Variants in FER observed in about 807,000 individuals in gnomAD.
FER encodes tyrosine-protein kinase Fer.
A neutral mutation model predicts 111.0 loss-of-function variants in FER; 63 were observed. That is an observed-to-expected ratio of 0.57 (90% CI 0.46 to 0.70). The LOEUF (loss-of-function observed/expected upper bound fraction) is 0.70. FER is among the 30% of genes least tolerant of loss of function. The pLI is 0.00. For synonymous variants in FER, 327 were observed against 313.9 expected (o/e 1.04, Z -0.44); for missense variants, 914 against 954.0 (o/e 0.96, Z 0.55).
At chr5:109,124,646 C>T (rs1751444876) in intron 17 of FER, among the ~76,000 whole-genome samples, 1 of 152,030 alleles carries the variant, frequency 6.6e-6, no homozygotes, top group Admixed American at 6.6e-5. Context: ...TGATTGACAG[C>T]AGCCTTAAAT....
chr5:109,179,404 G>C (rs1313078311), intron 17 of FER, among the ~76,000 whole-genome samples: 1 of 151,720 alleles, frequency 6.6e-6, no homozygotes, highest in Admixed American at 6.6e-5. Context: ...TTTTACCAAT[G>C]GGTTTGAATA....
intron 1 of FER, among the ~76,000 whole-genome samples, chr5:108,754,011 GTCTC>G (rs958539804): frequency 5.9e-5 from 9 of 152,090 alleles, no homozygotes; most frequent in African/African-American, 2.2e-4. Flanking sequence ...CTCTAATTCA[GTCTC>G]TCTCCTATTC....
intron 17 of FER, among the ~76,000 whole-genome samples, chr5:109,120,454 CT>C (rs1392536751): frequency 6.6e-6 from 1 of 151,926 alleles, no homozygotes; most frequent in Non-Finnish European, 1.5e-5. Flanking sequence ...TAACAATGGT[CT>C]TTGTGTCTAT....
In FER at chr5:109,182,527, T is replaced by A. The variant is rs1196101955; in HGVS notation, c.2203+1626T>A. ...GATGATCACAGGATAAAAGATAGAT[T>A]ATAATACTCAATATTTACACAAAGG... On this transcript the variant is annotated intron_variant, in intron 18 of 19. Coordinates refer to ENST00000281092, the MANE Select transcript of FER (RefSeq NM_005246.4). Among the ~76,000 whole-genome samples, 4 of 152,148 alleles carry A rather than the reference T, an allele frequency of 2.6e-5. No individual in the cohort carries two copies. The East Asian group carries it at 7.7e-4, about 29-fold the overall frequency.
intron 10 of FER, among the ~76,000 whole-genome samples, chr5:108,926,870 A>G (rs1463216878): frequency 1.3e-5 from 2 of 151,868 alleles, no homozygotes; most frequent in Non-Finnish European, 1.5e-5. Context: ...TTTTTTTTTC[A>G]GTGAATTCTT....
At chr5:108,867,434 G>C (rs933798682) in intron 5 of FER, among the ~76,000 whole-genome samples, 4 of 151,934 alleles carry the variant, frequency 2.6e-5, no homozygotes, top group African/African-American at 7.2e-5. Context: ...TGGTTTCTTG[G>C]TTTTACAGTT....
intron 1 of FER, among the ~76,000 whole-genome samples, chr5:108,749,191 C>T (rs1032551787): frequency 6.6e-6 from 1 of 152,126 alleles, no homozygotes; most frequent in Non-Finnish European, 1.5e-5. Context: ...CCCCAACCCC[C>T]GTCCCTGGCT....
intron 2 of FER, among the ~76,000 whole-genome samples, 183 bp from the exon 3 acceptor site, chr5:108,797,941 C>G (rs56228037): frequency 0.022 from 3,313 of 151,636 alleles, 117 homozygotes; most frequent in African/African-American, 0.076. Flanking sequence ...GCTAAGACCT[C>G]TGGAGTAATG....
intron 16 of FER, among the ~76,000 whole-genome samples, chr5:109,064,943 T>C (rs1248222791): frequency 2.6e-5 from 4 of 152,200 alleles, no homozygotes; most frequent in Admixed American, 6.5e-5. Flanking sequence ...TTCCAAAAGA[T>C]GAACAAAGTT....
At chr5:108,901,600 T>G (rs979600918) in intron 10 of FER, among the ~76,000 whole-genome samples, 1 of 152,186 alleles carries the variant, frequency 6.6e-6, no homozygotes, top group Admixed American at 6.5e-5. Flanking sequence ...ATAATCACTT[T>G]GTGTCTACCA....
At chr5:109,084,029 CAAGTCTT>C (rs1252890456) in intron 16 of FER, among the ~76,000 whole-genome samples, 1 of 151,952 alleles carries the variant, frequency 6.6e-6, no homozygotes, top group Admixed American at 6.6e-5. Flanking sequence ...GCAGAGAACA[CAAGTCTT>C]AAGTATAGAG....
chr5:109,067,402 T>C (rs1482403435), intron 16 of FER, among the ~76,000 whole-genome samples: 1 of 152,176 alleles, frequency 6.6e-6, no homozygotes, highest in Non-Finnish European at 1.5e-5. Flanking sequence ...GGGATTTTTA[T>C]TGTTGTTATT....
rs115936162 is a variant in FER at position 108,905,939 on chromosome 5, T to C, written c.1236+8091T>C. On this transcript the variant is annotated intron_variant, in intron 10 of 19. Coordinates refer to ENST00000281092, the MANE Select transcript of FER (RefSeq NM_005246.4). The stretch of plus-strand genomic sequence containing the variant: ...TCTAACAGGGTGAAAAAATCTGGAG[T>C]AGTTACAGAGATAATGACTAATGAG... Among the ~76,000 whole-genome samples the C allele has an allele frequency of 1.8e-3, 273 of 152,156 alleles. 2 individuals are homozygous for C. The highest frequency in any genetic ancestry group is 6.2e-3 in the African/African-American group (256 of 41,522).
intron 13 of FER, among the ~76,000 whole-genome samples, chr5:108,970,023 G>GAGC (rs1038475515): frequency 6.8e-6 from 1 of 147,708 alleles, no homozygotes; most frequent in Non-Finnish European, 1.5e-5. Flanking sequence ...GAACACTATA[G>GAGC]AGCAATGTTT....
At position 109,009,044 on chromosome 5, in the gene FER, C is replaced by CTTTTTTT. The variant is rs1030906789; in HGVS notation, c.1657-28363_1657-28357dup. Among the ~76,000 whole-genome samples, 33 of 115,994 alleles carry CTTTTTTT rather than the reference C, an allele frequency of 2.8e-4. 1 individual carries two copies. The highest frequency in any genetic ancestry group is 1.1e-3 in the African/African-American group (32 of 30,100). The allele number at this position is 115,994 out of a possible 152,430, so 76.1% of individuals were successfully genotyped here. A position where few individuals can be genotyped will look rare whatever the true frequency, so the allele number is the denominator to read the frequency against. ...CACTAGTCTAGTCTTCCTCTTCAGT[C>CTTTTTTT]TTTTTTTTTTTTTTTTTTTTTGAAA... On this transcript the variant is annotated intron_variant, in intron 13 of 19. Coordinates refer to ENST00000281092, the MANE Select transcript of FER (RefSeq NM_005246.4).
At chr5:108,993,604 C>T (rs141831800) in intron 13 of FER, among the ~76,000 whole-genome samples, 2 of 108,108 alleles carry the variant, frequency 1.8e-5, no homozygotes, top group South Asian at 2.7e-4. Context: ...AGGGCGAGGG[C>T]GAGGGAGAGG....
chr5:108,803,968 G>A (rs994666666), intron 3 of FER, among the ~76,000 whole-genome samples: 2 of 152,152 alleles, frequency 1.3e-5, no homozygotes, highest in African/African-American at 4.8e-5. Context: ...CGTCCGCACA[G>A]AATGTTTTTC....
At chr5:109,002,925 A>T (rs576147154) in intron 13 of FER, among the ~76,000 whole-genome samples, 47 of 152,378 alleles carry the variant, frequency 3.1e-4, no homozygotes, top group African/African-American at 9.6e-4. Flanking sequence ...ATACCATCTC[A>T]TACCAGTTAG....
intron 13 of FER, among the ~76,000 whole-genome samples, chr5:108,975,454 A>G (rs1761212789): frequency 6.6e-6 from 1 of 152,214 alleles, no homozygotes; most frequent in African/African-American, 2.4e-5. Context: ...TACTAAATAT[A>G]TGACAATTAG....
Sources: allele counts gnomAD v4.1 joint callset (sites outside exome capture counted in the v4.1 genomes callset), GRCh38; gene constraint gnomAD v4.1.1; transcripts MANE v1.5; gene names NCBI Gene and HGNC (gene_info 2026-07-23, HGNC 2026-07-21).